Variants in WLS observed in about 807,000 individuals in gnomAD.
WLS encodes protein wntless homolog.
In WLS, 23 loss-of-function variants were observed where a neutral mutation model predicts 62.8. That is an observed-to-expected ratio of 0.37 (90% CI 0.26 to 0.52). The LOEUF (loss-of-function observed/expected upper bound fraction) is 0.52. Ranked by LOEUF, WLS falls within the 20% of genes least tolerant of loss-of-function variation. The pLI is 0.92. For synonymous variants in WLS, 246 were observed against 244.1 expected (o/e 1.01, Z -0.07); for missense variants, 615 against 697.3 (o/e 0.88, Z 1.33).
chr1:68,125,962 G>T lies in WLS; in HGVS notation c.*264C>A. The T allele has an allele frequency of 4.2e-6, 5 of 1,196,348 alleles. No individual in the cohort carries two copies. Among genetic ancestry groups the T allele is most frequent in the East Asian group, 4.1e-5 (1 of 24,258 alleles). The allele number at this position is 1,196,348 out of a possible 1,614,324, so 74.1% of individuals were successfully genotyped here. A position where few individuals can be genotyped will look rare whatever the true frequency, so the allele number is the denominator to read the frequency against. On this transcript the variant is annotated 3_prime_UTR_variant, in exon 12 of 12. Coordinates refer to ENST00000262348, the MANE Select transcript of WLS (RefSeq NM_024911.7). ...AACCAGCTGCTACAGATGTTACTAT[G>T]TCACTAATTAACAATGATCACAGAA...
intron 4 of WLS, 71 bp downstream of exon 4, chr1:68,155,028 G>T: frequency 6.7e-7 from 1 of 1,502,520 alleles, no homozygotes; most frequent in Non-Finnish European, 9.1e-7. Flanking sequence ...GACAGGTGAG[G>T]CATAGAGGTG....
At chr1:68,193,910 C>A (rs764242256) in intron 2 of WLS, 45 bp downstream of exon 2, 21 of 1,578,084 alleles carry the variant, frequency 1.3e-5, no homozygotes, top group Non-Finnish European at 1.8e-5. Flanking sequence ...CCAAAGAGGG[C>A]AATGCTCAAA....
chr1:68,129,547 C>T (rs1001742508), intron 11 of WLS, among the ~76,000 whole-genome samples: 3 of 152,108 alleles, frequency 2.0e-5, no homozygotes, highest in Non-Finnish European at 4.4e-5. Flanking sequence ...CTCTACTGTG[C>T]TGGATGAGGA....
rs111973016 is a variant in WLS at position 68,157,479 on chromosome 1, G to GAAGA, written c.504+1640_504+1643dup. Among the ~76,000 whole-genome samples the GAAGA allele has an allele frequency of 3.3e-4, 50 of 152,130 alleles. 1 individual carries two copies. The highest frequency in any genetic ancestry group is 1.2e-3 in the African/African-American group (50 of 41,482). On this transcript the variant is annotated intron_variant, in intron 3 of 11. Coordinates refer to ENST00000262348, the MANE Select transcript of WLS (RefSeq NM_024911.7). The stretch of plus-strand genomic sequence containing the variant: ...CTCTGCCAGTATTTAGGGCATTTAA[G>GAAGA]AAGATTCCTCTCTCTCCTTCCTTTG...
At chr1:68,166,143 C>G (rs1557490841) in intron 2 of WLS, among the ~76,000 whole-genome samples, 1 of 152,166 alleles carries the variant, frequency 6.6e-6, no homozygotes, top group South Asian at 2.1e-4. Context: ...TTTAAATTAC[C>G]TCATTTAATG....
At chr1:68,133,817 C>T (rs948528208) in intron 11 of WLS, among the ~76,000 whole-genome samples, 1 of 152,196 alleles carries the variant, frequency 6.6e-6, no homozygotes, top group African/African-American at 2.4e-5. Context: ...GTCCCTCCAA[C>T]TCACATACCA....
intron 11 of WLS, among the ~76,000 whole-genome samples, chr1:68,113,367 G>A (rs1646252677): frequency 6.6e-6 from 1 of 152,136 alleles, no homozygotes; most frequent in African/African-American, 2.4e-5. Flanking sequence ...CTGGAAAAGG[G>A]CATCTCTTTG....
At chr1:68,147,125 A>C (rs1427494736) in intron 8 of WLS, among the ~76,000 whole-genome samples, 2 of 152,138 alleles carry the variant, frequency 1.3e-5, no homozygotes, top group Non-Finnish European at 2.9e-5. Context: ...TATAATATCT[A>C]ATGCAGTTTC....
rs566909682 is a variant in WLS, at chr1:68,184,075, C to T, written c.379+9880G>A. 3.0e-4 allele frequency among the ~76,000 whole-genome samples: 45 copies of T among 152,276 alleles called. No homozygotes were observed. In the South Asian group the frequency reaches 3.1e-3, roughly 11 times the overall value. On this transcript the variant is annotated intron_variant, in intron 2 of 11. Transcript: ENST00000262348. ...CCTTCATCATTTACCAATATTTTTT[C>T]AGTCTCAGGAATTTTTCAACCCCTG...
rs116039425 is a variant in WLS, at chr1:68,168,632, C to G, written c.380-9385G>C. Among the ~76,000 whole-genome samples the G allele has an allele frequency of 7.5e-3, 1,142 of 152,310 alleles. 5 individuals carry two copies. Among genetic ancestry groups the G allele is most frequent in the South Asian group, 0.014 (67 of 4,820 alleles). On this transcript the variant is annotated intron_variant, in intron 2 of 11. Coordinates refer to ENST00000262348, the MANE Select transcript of WLS (RefSeq NM_024911.7). Reference sequence around the variant, plus strand: ...TTTTAGGTTCCTAGAGACACTTTGACTTTCCTGGGCCTTTGCCCTGGGAAA... The same window carrying G: ...TTTTAGGTTCCTAGAGACACTTTGAGTTTCCTGGGCCTTTGCCCTGGGAAA...
chr1:68,126,429 C>CT (rs1646432668), intron 11 of WLS, 94 bp from the exon 12 acceptor site: 14 of 1,506,074 alleles, frequency 9.3e-6, no homozygotes, highest in Non-Finnish European at 1.3e-5. Flanking sequence ...TGCTAGCCCT[C>CT]TTTGACATTC....
At chr1:68,209,139 G>A (rs1649404069) in intron 1 of WLS, among the ~76,000 whole-genome samples, 1 of 148,384 alleles carries the variant, frequency 6.7e-6, no homozygotes, top group Non-Finnish European at 1.5e-5. Flanking sequence ...CTGCTGGCAA[G>A]TTCAGGGGGG....
chr1:68,115,326 G>T (rs1646276949), intron 11 of WLS, among the ~76,000 whole-genome samples: 1 of 152,218 alleles, frequency 6.6e-6, no homozygotes, highest in African/African-American at 2.4e-5. Context: ...TGGAACCTCT[G>T]CTGTGTGGTC....
intron 2 of WLS, among the ~76,000 whole-genome samples, chr1:68,179,474 T>A (rs887270517): frequency 6.6e-5 from 10 of 152,198 alleles, no homozygotes; most frequent in African/African-American, 2.2e-4. Context: ...AACTCTGTCA[T>A]CCTCAGTGTC....
chr1:68,125,901 A>G lies in WLS; in HGVS notation c.*325T>C. Reference sequence around the variant, plus strand: ...ATTCGGCCCAAACCATCCCCCAAGGAATACACCCCCACCCCACCCCCACAT... The same window carrying G: ...ATTCGGCCCAAACCATCCCCCAAGGGATACACCCCCACCCCACCCCCACAT... On this transcript the variant is annotated 3_prime_UTR_variant, in exon 12 of 12. Transcript: ENST00000262348. The G allele has an allele frequency of 9.4e-7, 1 of 1,067,276 alleles. No homozygotes were observed. The highest frequency in any genetic ancestry group is 1.1e-6 in the Non-Finnish European group (1 of 878,216). The allele number at this position is 1,067,276 out of a possible 1,614,324, so 66.1% of individuals were successfully genotyped here. A position where few individuals can be genotyped will look rare whatever the true frequency, so the allele number is the denominator to read the frequency against.
At chr1:68,212,688 T>A (rs1480477526) in intron 1 of WLS, among the ~76,000 whole-genome samples, 1 of 152,240 alleles carries the variant, frequency 6.6e-6, no homozygotes, top group Non-Finnish European at 1.5e-5. Flanking sequence ...GCCTGTCTAC[T>A]CAGCTAAATA....
chr1:68,121,382 T>A (rs1646361978), downstream of WLS: 1 of 152,058 alleles, frequency 6.6e-6, no homozygotes, highest in Non-Finnish European at 1.5e-5. Flanking sequence ...TAAGGAAAAG[T>A]CACAAAGGAA....
chr1:68,100,542 G>A (rs78717514), intron 11 of WLS, among the ~76,000 whole-genome samples: 1 of 152,146 alleles, frequency 6.6e-6, no homozygotes, highest in Non-Finnish European at 1.5e-5. Context: ...GGAAGAGGGC[G>A]AATGGGTAGG....
At chr1:68,152,425 G>A (rs1646839297) in intron 5 of WLS, among the ~76,000 whole-genome samples, 1 of 152,194 alleles carries the variant, frequency 6.6e-6, no homozygotes, top group Admixed American at 6.5e-5. Context: ...AAAGATGGAA[G>A]GAGACAGGAA....
Sources: allele counts gnomAD v4.1 joint callset (sites outside exome capture counted in the v4.1 genomes callset), GRCh38; gene constraint gnomAD v4.1.1; transcripts MANE v1.5; gene names NCBI Gene and HGNC (gene_info 2026-07-23, HGNC 2026-07-21).